MORN4: variants seen among roughly 807,000 people sequenced by gnomAD.
The protein encoded by MORN4 is MORN repeat-containing protein 4.
A neutral mutation model predicts 16.4 loss-of-function variants in MORN4; 8 were observed. The ratio of observed to expected loss-of-function variants is 0.49; its 90% CI spans 0.29 to 0.88. The LOEUF (loss-of-function observed/expected upper bound fraction) is 0.88, where lower values mean the gene tolerates loss of function less well. Ranked by LOEUF, MORN4 falls within the 40% of genes least tolerant of loss-of-function variation. The pLI is 0.09. For missense variants in MORN4, 159 were observed against 182.9 expected, an observed-to-expected ratio of 0.87 and a Z score of 0.75; for synonymous variants, 53 against 68.9, an observed-to-expected ratio of 0.77 and a Z score of 1.14.
intron 2 of MORN4, 86 bp from the exon 3 acceptor site, chr10:97,617,408 T>TC: frequency 1.1e-6 from 1 of 949,828 alleles, no homozygotes; most frequent in Non-Finnish European, 1.7e-6. Flanking sequence ...TTACCTGCCA[T>TC]CACCCTACCC....
intron 2 of MORN4, chr10:97,619,312 G>T: frequency 1.8e-6 from 1 of 564,258 alleles, no homozygotes; most frequent in Non-Finnish European, 3.2e-6. Context: ...GCAACATAGT[G>T]AGCGAGACCT....
At chr10:97,631,230 G>A (rs923256384) in intron 1 of MORN4, among the ~76,000 whole-genome samples, 8 of 152,230 alleles carry the variant, frequency 5.3e-5, no homozygotes, top group Middle Eastern at 6.8e-3. Flanking sequence ...ATATGGCTCA[G>A]GAGTTTAGGC....
chr10:97,629,125 T>C (rs1250932818), intron 1 of MORN4, among the ~76,000 whole-genome samples: 1 of 152,088 alleles, frequency 6.6e-6, no homozygotes. Flanking sequence ...TGGTGGCTCA[T>C]GCCTGTAATC....
At chr10:97,628,463 AT>A (rs2041367258) in intron 1 of MORN4, among the ~76,000 whole-genome samples, 1 of 152,028 alleles carries the variant, frequency 6.6e-6, no homozygotes, top group African/African-American at 2.4e-5. Flanking sequence ...AGAAGGGAAC[AT>A]TTCTCCAGTT....
At chr10:97,630,202 C>T (rs1417227460) in intron 1 of MORN4, among the ~76,000 whole-genome samples, 1 of 152,148 alleles carries the variant, frequency 6.6e-6, no homozygotes, top group Non-Finnish European at 1.5e-5. Flanking sequence ...GCTGGGATTA[C>T]AGGCATGAGC....
chr10:97,616,658 C>A lies in MORN4; in HGVS notation c.292+20G>T, dbSNP rs145519669. 7 of 1,581,296 alleles carry A rather than the reference C, an allele frequency of 4.4e-6. No individual in the cohort carries two copies. The highest frequency in any genetic ancestry group is 6.1e-6 in the Non-Finnish European group (7 of 1,150,104). On this transcript the variant is annotated intron_variant, in intron 4 of 4. Transcript: ENST00000307450. ...TATTATGCCCACCTAAGTCAGCCAT[C>A]CTGCTGGGCTGCAACTTACCAAAAC...
At chr10:97,624,564 G>A (rs1178804967) in intron 1 of MORN4, among the ~76,000 whole-genome samples, 3 of 152,186 alleles carry the variant, frequency 2.0e-5, no homozygotes, top group Admixed American at 2.0e-4. Context: ...GACTAGAGGT[G>A]TGTGCCAACA....
At chr10:97,621,438 G>A (rs1045361700) in intron 1 of MORN4, among the ~76,000 whole-genome samples, 2 of 152,246 alleles carry the variant, frequency 1.3e-5, no homozygotes, top group Admixed American at 6.5e-5. Context: ...GTGGTAGCAC[G>A]AAGTGGGATG....
chr10:97,626,050 A>G (rs2041343049), intron 1 of MORN4, among the ~76,000 whole-genome samples: 1 of 148,058 alleles, frequency 6.8e-6, no homozygotes, highest in South Asian at 2.1e-4. Context: ...ATGAGCCACC[A>G]CACCCAGCCT....
At chr10:97,617,598 C>T (rs2041247540) in intron 2 of MORN4, among the ~76,000 whole-genome samples, 1 of 152,208 alleles carries the variant, frequency 6.6e-6, no homozygotes, top group South Asian at 2.1e-4. Context: ...GGCGCGGTAG[C>T]TTACACCTGT....
At chr10:97,620,393 C>T (rs1483196897) in intron 1 of MORN4, among the ~76,000 whole-genome samples, 3 of 142,638 alleles carry the variant, frequency 2.1e-5, no homozygotes, top group East Asian at 2.2e-4. Context: ...GAGGCTGAGG[C>T]GGGAGAATCA....
intron 1 of MORN4, among the ~76,000 whole-genome samples, chr10:97,627,230 G>C (rs536679657): frequency 1.3e-5 from 2 of 151,678 alleles, no homozygotes; most frequent in African/African-American, 4.8e-5. Context: ...TGCAACCTTC[G>C]TCTCCTGGGT....
chr10:97,633,271 C>A lies in MORN4; in HGVS notation c.-31+76G>T, dbSNP rs77989655. On this transcript the variant is annotated intron_variant, in intron 1 of 4. Transcript: ENST00000307450. The surrounding 1 kb of genome is among the most constrained non-coding windows in gnomAD (Gnocchi z 4.5). ...GCCGCGCCCCCGAGCCGGGTCATCT[C>A]GTGCTCCGTTCCTCAGTGCCCACCT... 2,358 of 1,259,736 alleles carry A rather than the reference C, an allele frequency of 1.9e-3. 37 individuals carry two copies. In the African/African-American group the frequency reaches 0.03, roughly 16 times the overall value. The allele number at this position is 1,259,736 out of a possible 1,614,324, so 78.0% of individuals were successfully genotyped here. A position where few individuals can be genotyped will look rare whatever the true frequency, so the allele number is the denominator to read the frequency against.
intron 1 of MORN4, among the ~76,000 whole-genome samples, chr10:97,627,733 C>T (rs891815727): frequency 1.3e-5 from 2 of 152,224 alleles, no homozygotes; most frequent in African/African-American, 4.8e-5. Context: ...ATTCCATTTC[C>T]AGTATCTCTC....
At chr10:97,621,733 C>T (rs940710536) in intron 1 of MORN4, among the ~76,000 whole-genome samples, 2 of 151,950 alleles carry the variant, frequency 1.3e-5, no homozygotes, top group Non-Finnish European at 2.9e-5. Flanking sequence ...GGCGTGGTGG[C>T]GGGTGCCTGT....
intron 2 of MORN4, among the ~76,000 whole-genome samples, chr10:97,617,816 C>T (rs1463907209): frequency 3.3e-5 from 5 of 151,070 alleles, no homozygotes; most frequent in Admixed American, 1.3e-4. Flanking sequence ...GCTGAGATCG[C>T]GCCACTGCAC....
At chr10:97,630,241 G>A (rs576758685) in intron 1 of MORN4, among the ~76,000 whole-genome samples, 27 of 151,634 alleles carry the variant, frequency 1.8e-4, no homozygotes, top group African/African-American at 6.5e-4. Flanking sequence ...CTAATTTTTT[G>A]TATTTTTAGT....
chr10:97,631,717 T>G (rs1025307402), intron 1 of MORN4, among the ~76,000 whole-genome samples: 4 of 151,974 alleles, frequency 2.6e-5, no homozygotes, highest in Non-Finnish European at 5.9e-5. Context: ...GAGGATCGCT[T>G]GAGCCCAGGA....
chr10:97,633,202 T>TC lies in MORN4; in HGVS notation c.-31+144dup. On this transcript the variant is annotated intron_variant, in intron 1 of 4. Transcript: ENST00000307450. The surrounding 1 kb of genome is among the most constrained non-coding windows in gnomAD (Gnocchi z 4.5). ...GGAGACTAAAGGGTTCAGGTTTGGGTCCCCCACAGGCAACCGCCCTCAGGT... is the reference window on the plus strand; with the variant it reads ...GGAGACTAAAGGGTTCAGGTTTGGGTCCCCCCACAGGCAACCGCCCTCAGGT... 3.0e-6 allele frequency: 3 copies of TC among 997,460 alleles called. No individual in the cohort carries two copies. Among genetic ancestry groups the TC allele is most frequent in the Non-Finnish European group, 4.0e-6 (3 of 755,212 alleles). 61.8% of individuals were successfully genotyped at this position (997,460 alleles called of 1,614,324 possible).
Sources: allele counts gnomAD v4.1 joint callset (sites outside exome capture counted in the v4.1 genomes callset), GRCh38; gene constraint gnomAD v4.1.1; non-coding constraint Gnocchi (gnomAD v3.1); transcripts MANE v1.5; gene names NCBI Gene and HGNC (gene_info 2026-07-23, HGNC 2026-07-21).